Variants in CCPG1 observed in about 807,000 individuals in gnomAD.
CCPG1 encodes the protein cell cycle progression protein 1.
A neutral mutation model predicts 81.3 loss-of-function variants in CCPG1; 46 were observed. That is an observed-to-expected ratio of 0.57 (90% CI 0.45 to 0.72). CCPG1 has a LOEUF of 0.72. Ranked by LOEUF, CCPG1 falls within the 30% of genes least tolerant of loss-of-function variation. The probability of loss-of-function intolerance (pLI) is 0.00; values close to 1 mark genes in which losing one functional copy is unlikely to be tolerated. For synonymous variants in CCPG1, 330 were observed against 305.2 expected (o/e 1.08, Z -0.85); for missense variants, 902 against 937.6 (o/e 0.96, Z 0.50).
chr15:55,363,140 G>A (rs560010379), intron 7 of CCPG1, among the ~76,000 whole-genome samples: 1 of 152,158 alleles, frequency 6.6e-6, no homozygotes, highest in South Asian at 2.1e-4. Context: ...CTGAGGTCAG[G>A]AGTTCAAGAC....
Position 55,360,502 on chromosome 15 carries a change from A to G in CCPG1, c.1271T>C (p.Ile424Thr), listed in dbSNP as rs765955541. ...SPNVYTEKKE[I>T]AILRERLTEL... ...AGTGAGTCTTTCCCGTAAGATTGCT[A>G]TTTCCTTTTTTTCAGTATATACATT... Residue 424 changes from isoleucine to threonine, a missense_variant, in exon 8 of 9, where the codon ATA becomes ACA. Physicochemically the swap from Ile to Thr is moderately conservative, Grantham distance 89. Transcript: ENST00000442196. 1.2e-6 allele frequency: 2 copies of G among 1,613,746 alleles called. No homozygotes were observed. Among genetic ancestry groups the G allele is most frequent in the Admixed American group, 1.7e-5 (1 of 59,958 alleles).
rs779260976 is a variant in CCPG1, at chr15:55,385,612, T to A, written c.163A>T (p.Ile55Leu). The A allele has an allele frequency of 1.3e-6, 2 of 1,583,238 alleles. No homozygotes were observed. The highest frequency in any genetic ancestry group is 2.7e-5 in the African/African-American group (2 of 73,458). Residue 55 changes from isoleucine to leucine, a missense_variant, in exon 3 of 9, where the codon ATA becomes TTA. Around this residue, in one of 3 missense-constraint regions of CCPG1, gnomAD observed 746 missense variants for 728.6 expected, o/e 1.02. Transcript: ENST00000442196. Reference sequence around the variant, plus strand: ...GTGAACAACTTACCTCCTTGCTCTATCTGCAATGCTTGAAGCTCCTCTTGC... The same window carrying A: ...GTGAACAACTTACCTCCTTGCTCTAACTGCAATGCTTGAAGCTCCTCTTGC... ...LEQEELQALQIEQGESSQNGT... is the reference protein window; with the variant it reads ...LEQEELQALQLEQGESSQNGT...
chr15:55,357,325 T>C, intron 8 of CCPG1: 1 of 985,284 alleles, frequency 1.0e-6, no homozygotes, highest in Non-Finnish European at 1.2e-6. Context: ...ATTTTCCAAA[T>C]GTTTTTTCCT....
intron 5 of CCPG1, among the ~76,000 whole-genome samples, chr15:55,373,295 G>C (rs2056492885): frequency 6.6e-6 from 1 of 152,084 alleles, no homozygotes. Context: ...TAAAAATAAG[G>C]ATAAAATATG....
chr15:55,372,102 A>G (rs1319310948), intron 5 of CCPG1, 58 bp from the exon 6 acceptor site: 1 of 1,531,396 alleles, frequency 6.5e-7, no homozygotes, highest in Non-Finnish European at 8.9e-7. Context: ...CTTTCCCAGT[A>G]AAAATTATTT....
chr15:55,404,432 T>C (rs1016170119), intron 1 of CCPG1, among the ~76,000 whole-genome samples: 26 of 152,194 alleles, frequency 1.7e-4, no homozygotes, highest in South Asian at 1.0e-3. Flanking sequence ...TGATTGATTA[T>C]ACTACTTACC....
chr15:55,387,750 G>T, intron 2 of CCPG1, among the ~76,000 whole-genome samples: 1 of 150,924 alleles, frequency 6.6e-6, no homozygotes, highest in Non-Finnish European at 1.5e-5. Context: ...CTTCCATGTT[G>T]GTCAGGCTGG....
chr15:55,359,396 A>G (rs148837444), intron 8 of CCPG1, 143 bp downstream of exon 8: 3 of 1,418,330 alleles, frequency 2.1e-6, no homozygotes, highest in East Asian at 2.5e-5. Context: ...CCATCTTTCA[A>G]TTTATTCTGA....
intron 8 of CCPG1, 165 bp downstream of exon 8, chr15:55,359,374 A>C: frequency 7.2e-7 from 1 of 1,392,936 alleles, no homozygotes; most frequent in South Asian, 2.0e-5. Context: ...AACAGCTAAT[A>C]ATTTTTAGAC....
chr15:55,395,471 A>T (rs1431275064), intron 1 of CCPG1, among the ~76,000 whole-genome samples: 1 of 152,124 alleles, frequency 6.6e-6, no homozygotes, highest in African/African-American at 2.4e-5. Context: ...TTGAATATCA[A>T]GTATTTTATC....
In CCPG1 at chr15:55,359,884, G is replaced by C. The variant is rs771165083; in HGVS notation, c.1889C>G (p.Ser630Cys). The C allele has an allele frequency of 1.2e-6, 2 of 1,613,724 alleles. No individual in the cohort carries two copies. Among genetic ancestry groups the C allele is most frequent in the Non-Finnish European group, 1.7e-6 (2 of 1,179,958 alleles). ...ENSHSFRKAC[S>C]GVFDCAQQES... ...TTGTTGAGCACAATCAAATACACCA[G>C]AACAAGCCTTTCTGAAAGAATGAGA... is the stretch of plus-strand genomic sequence containing the variant. The change falls in exon 8 of 9, where the codon TCT becomes TGT. Residue 630 changes from serine (S) to cysteine (C), a missense_variant. Ser to Cys is a moderately radical substitution (Grantham distance 112). Coordinates refer to ENST00000442196, the MANE Select transcript of CCPG1 (RefSeq NM_001204450.2).
intron 5 of CCPG1, among the ~76,000 whole-genome samples, chr15:55,375,399 G>A (rs897963146): frequency 6.6e-5 from 10 of 152,026 alleles, no homozygotes; most frequent in African/African-American, 1.5e-4. Flanking sequence ...GAAAGGAAGC[G>A]GGGGTGGGGA....
At chr15:55,361,534 C>G (rs1324243680) in intron 7 of CCPG1, among the ~76,000 whole-genome samples, 1 of 151,252 alleles carries the variant, frequency 6.6e-6, no homozygotes, top group African/African-American at 2.4e-5. Flanking sequence ...GGTGAAACCC[C>G]ATCTCTACTA....
At position 55,394,482 on chromosome 15, in the gene CCPG1, C is replaced by T. The variant is rs183699725; in HGVS notation, c.-9-5049G>A. On this transcript the variant is annotated intron_variant, in intron 1 of 8. Transcript: ENST00000442196. ...CTTTCTCCACTGTGTGAAAGCTTCCCTCCTTCCCTTTGCCTGCTCCCATCT... is the reference window on the plus strand; with the variant it reads ...CTTTCTCCACTGTGTGAAAGCTTCCTTCCTTCCCTTTGCCTGCTCCCATCT... 1.1e-3 allele frequency among the ~76,000 whole-genome samples: 163 copies of T among 152,188 alleles called. 1 individual carries two copies. The highest frequency in any genetic ancestry group is 3.6e-3 in the African/African-American group (150 of 41,532).
At chr15:55,407,158 G>A (rs1440204707) in intron 1 of CCPG1, among the ~76,000 whole-genome samples, 2 of 151,312 alleles carry the variant, frequency 1.3e-5, no homozygotes, top group South Asian at 2.1e-4. Context: ...AAACTGGAAG[G>A]CAGAGGTTGC....
At chr15:55,373,281 G>T (rs1278465805) in intron 5 of CCPG1, among the ~76,000 whole-genome samples, 2 of 152,134 alleles carry the variant, frequency 1.3e-5, no homozygotes, top group East Asian at 3.9e-4. Flanking sequence ...TAGAGGAAAA[G>T]CACTAAAAAT....
Position 55,371,793 on chromosome 15 carries a change from C to G in CCPG1, c.706G>C (p.Gly236Arg), listed in dbSNP as rs775646397. ...GTATAACACATTTTTGAGTACTTACCATAGAAATGGCCAAATCCCATGCTG... is the reference window on the plus strand; with the variant it reads ...GTATAACACATTTTTGAGTACTTACGATAGAAATGGCCAAATCCCATGCTG... The part of the protein sequence containing the change: ...AISMGFGHFY[G>R]TIQIQKRQQL... The change falls in exon 6 of 9, where the codon GGC (glycine) becomes CGC (arginine). Residue 236 changes from glycine to arginine, a missense_variant and splice_region_variant. Physicochemically the swap from Gly to Arg is moderately radical, Grantham distance 125 (BLOSUM62 -2). This residue lies in a region of CCPG1 where 746 missense variants were observed against 728.6 expected (regional missense o/e 1.02). Transcript: ENST00000442196. 6.2e-7 allele frequency: 1 copy of G among 1,612,944 alleles called. No individual in the cohort carries two copies. Among genetic ancestry groups the G allele is most frequent in the Non-Finnish European group, 8.5e-7 (1 of 1,179,042 alleles).
At chr15:55,357,592 G>C (rs1248649694) in intron 8 of CCPG1, 1 of 210,084 alleles carries the variant, frequency 4.8e-6, no homozygotes, top group African/African-American at 2.4e-5. Context: ...GCTCACGACT[G>C]TAATCCCAGC....
intron 3 of CCPG1, 45 bp downstream of exon 3, chr15:55,385,555 C>G (rs759784117): frequency 1.0e-6 from 1 of 955,718 alleles, no homozygotes; most frequent in African/African-American, 1.7e-5. Flanking sequence ...TAATATCACT[C>G]ATATATCATA....
Sources: gnomAD v4.1 joint callset for allele counts (sites outside exome capture counted in the v4.1 genomes callset) on GRCh38, gnomAD v4.1.1 for gene constraint, gnomAD v4.1.1 regional missense constraint, MANE v1.5 for transcripts, NCBI Gene and HGNC (gene_info 2026-07-23, HGNC 2026-07-21) for gene names.